The following DISP1 variants were observed in gnomAD, a reference collection of about 807,000 sequenced individuals.
DISP1 encodes the protein dispatched RND transporter family member 1, also known as protein dispatched homolog 1.
A neutral mutation model predicts 37.3 loss-of-function variants in DISP1; 30 were observed. The observed-to-expected ratio is 0.80, with a 90% confidence interval of 0.60 to 1.09. DISP1 has a LOEUF of 1.09. Ranked by LOEUF, DISP1 falls within the 50% of genes least tolerant of loss-of-function variation. The probability of loss-of-function intolerance (pLI) is 0.00; values close to 1 mark genes in which losing one functional copy is unlikely to be tolerated. For missense variants in DISP1, 1,598 were observed against 1,879.5 expected, an observed-to-expected ratio of 0.85 and a Z score of 2.77; for synonymous variants, 634 against 690.2, an observed-to-expected ratio of 0.92 and a Z score of 1.28.
chr1:222,925,111 A>G, intron 1 of DISP1, among the ~76,000 whole-genome samples: 1 of 152,294 alleles, frequency 6.6e-6, no homozygotes, highest in South Asian at 2.1e-4. Flanking sequence ...TAAAATAATT[A>G]TGTGTCCCAT....
intron 3 of DISP1, among the ~76,000 whole-genome samples, chr1:222,977,918 C>T (rs1558064614): frequency 6.6e-6 from 1 of 152,180 alleles, no homozygotes; most frequent in Non-Finnish European, 1.5e-5. Flanking sequence ...GCCACATTTT[C>T]TTAATCCAGT....
chr1:222,905,405 T>G (rs1429593678), intron 1 of DISP1, among the ~76,000 whole-genome samples: 1 of 150,844 alleles, frequency 6.6e-6, no homozygotes, highest in Admixed American at 6.6e-5. Context: ...AACCATTAAC[T>G]TTGGCTTAGA....
At chr1:222,927,907 A>G (rs1230761265) in intron 1 of DISP1, among the ~76,000 whole-genome samples, 1 of 152,218 alleles carries the variant, frequency 6.6e-6, no homozygotes, top group African/African-American at 2.4e-5. Flanking sequence ...ACATTTTAAA[A>G]GAAGATTCTA....
At chr1:222,998,760 C>G (rs867883876) in intron 8 of DISP1, among the ~76,000 whole-genome samples, 1 of 152,140 alleles carries the variant, frequency 6.6e-6, no homozygotes, top group Non-Finnish European at 1.5e-5. Context: ...TCTGAGGACT[C>G]AGCTTGTAAA....
At chr1:222,835,042 C>T (rs561979687) in intron 1 of DISP1, 1 of 151,954 alleles carries the variant, frequency 6.6e-6, no homozygotes. Flanking sequence ...ATAGTATGAA[C>T]ATTCCAAATG....
chr1:222,843,777 A>T (rs35264472), intron 1 of DISP1, among the ~76,000 whole-genome samples: 1 of 152,076 alleles, frequency 6.6e-6, no homozygotes, highest in Non-Finnish European at 1.5e-5. Context: ...TGGAAGAGAA[A>T]GATGAAATTG....
chr1:222,902,543 G>T (rs1416345860), intron 1 of DISP1, among the ~76,000 whole-genome samples: 1 of 151,832 alleles, frequency 6.6e-6, no homozygotes, highest in Non-Finnish European at 1.5e-5. Flanking sequence ...GAAAATTTTC[G>T]CAACCTACTC....
At chr1:222,831,202 G>A (rs560791043) in intron 1 of DISP1, among the ~76,000 whole-genome samples, 1 of 152,194 alleles carries the variant, frequency 6.6e-6, no homozygotes, top group East Asian at 1.9e-4. Flanking sequence ...ACTGGGTTCT[G>A]TCAACGTTGA....
At chr1:222,947,740 C>T (rs1270438151) in intron 3 of DISP1, among the ~76,000 whole-genome samples, 3 of 151,582 alleles carry the variant, frequency 2.0e-5, no homozygotes, top group Non-Finnish European at 4.4e-5. Context: ...GAGTAGGCAT[C>T]CTAATTGATG....
chr1:222,837,780 T>C (rs1667333001), intron 1 of DISP1, among the ~76,000 whole-genome samples: 1 of 152,186 alleles, frequency 6.6e-6, no homozygotes. Context: ...AGAAGACCTT[T>C]ATGAGAAACT....
At chr1:222,829,386 T>C (rs149921025) in intron 1 of DISP1, among the ~76,000 whole-genome samples, 66 of 152,068 alleles carry the variant, frequency 4.3e-4, no homozygotes, top group African/African-American at 1.6e-3. Flanking sequence ...GGACTTAACT[T>C]CTTAAAACGT....
At chr1:222,911,716 G>A (rs1379979504) in intron 1 of DISP1, among the ~76,000 whole-genome samples, 1 of 151,972 alleles carries the variant, frequency 6.6e-6, no homozygotes, top group East Asian at 1.9e-4. Context: ...TTTTTTTGTA[G>A]AGACAGGGTC....
intron 1 of DISP1, among the ~76,000 whole-genome samples, chr1:222,835,955 CAAA>C (rs1275754600): frequency 5.1e-5 from 6 of 117,024 alleles, no homozygotes; most frequent in Admixed American, 1.9e-4. Flanking sequence ...ACTCTTGTCT[CAAA>C]AAAAAAAAAA....
chr1:222,966,482 A>C (rs1310281459), intron 3 of DISP1, among the ~76,000 whole-genome samples: 2 of 152,228 alleles, frequency 1.3e-5, no homozygotes, highest in African/African-American at 4.8e-5. Context: ...CATTAATAGG[A>C]TTAAAACATT....
In DISP1 at chr1:222,940,052, G is replaced by A. The variant is rs569283334; in HGVS notation, c.-17-2755G>A. Among the ~76,000 whole-genome samples the A allele has an allele frequency of 9.9e-5, 15 of 152,054 alleles. No individual in the cohort carries two copies. The South Asian group carries it at 3.1e-3, about 32-fold the overall frequency. On this transcript the variant is annotated intron_variant, in intron 2 of 8. Coordinates refer to ENST00000675850, the MANE Select transcript of DISP1 (RefSeq NM_001377229.1). ...GAGGCAGGAGAATGGCATGAACCTG[G>A]GAGGTGGAGCTTACAGTGAGCCGAG... is the stretch of plus-strand genomic sequence containing the variant.
chr1:222,920,650 T>C (rs937003492), intron 1 of DISP1, among the ~76,000 whole-genome samples: 3 of 152,278 alleles, frequency 2.0e-5, no homozygotes, highest in Admixed American at 6.5e-5. Flanking sequence ...AACTTTTCTT[T>C]ATAGTAATTT....
intron 1 of DISP1, among the ~76,000 whole-genome samples, chr1:222,873,036 G>T (rs1028338653): frequency 1.3e-5 from 2 of 152,192 alleles, no homozygotes; most frequent in African/African-American, 2.4e-5. Flanking sequence ...TATGTACCCA[G>T]TAGTCATTCA....
At chr1:222,815,823 C>G (rs559649522) in intron 1 of DISP1, among the ~76,000 whole-genome samples, 1 of 152,208 alleles carries the variant, frequency 6.6e-6, no homozygotes, top group East Asian at 1.9e-4. Flanking sequence ...TGTCTTATTT[C>G]CCTTGTCATG....
intron 1 of DISP1, among the ~76,000 whole-genome samples, chr1:222,847,181 A>G (rs950928669): frequency 1.3e-5 from 2 of 152,196 alleles, no homozygotes; most frequent in African/African-American, 4.8e-5. Flanking sequence ...GGCCAGTGGA[A>G]ATGACATACG....
Sources: allele counts gnomAD v4.1 joint callset (sites outside exome capture counted in the v4.1 genomes callset), GRCh38; gene constraint gnomAD v4.1.1; transcripts MANE v1.5; gene names NCBI Gene and HGNC (gene_info 2026-07-23, HGNC 2026-07-21).